Variants in DNAH11 observed in about 807,000 individuals in gnomAD.
DNAH11 encodes the protein axonemal beta dynein heavy chain 11.
In DNAH11, 442 loss-of-function variants were observed where a neutral mutation model predicts 526.0. The ratio of observed to expected loss-of-function variants is 0.84; its 90% confidence interval spans 0.78 to 0.91. The LOEUF is 0.91. Ranked by LOEUF, DNAH11 falls within the 40% of genes least tolerant of loss-of-function variation. The pLI, the probability that DNAH11 is intolerant of heterozygous loss-of-function variation, is 0.00. For missense variants in DNAH11, 6,989 were observed against 5,448.7 expected, an observed-to-expected ratio of 1.28 and a Z score of -8.90; for synonymous variants, 2,461 against 1,935.9, an observed-to-expected ratio of 1.27 and a Z score of -7.12.
chr7:21,607,707 A>G (rs567914670), intron 20 of DNAH11, among the ~76,000 whole-genome samples: 2 of 151,968 alleles, frequency 1.3e-5, no homozygotes, highest in Non-Finnish European at 2.9e-5. Context: ...CGAGGTGGGC[A>G]TATCATGAGG....
chr7:21,686,399 A>G (rs1317147614), intron 32 of DNAH11, among the ~76,000 whole-genome samples: 4 of 152,310 alleles, frequency 2.6e-5, no homozygotes, highest in East Asian at 1.9e-4. Context: ...GGAAACTCCA[A>G]ATAAAGAATA....
chr7:21,900,990 CTG>C lies in DNAH11; in HGVS notation c.13304-13_13304-12del, dbSNP rs778005196. 24 of 1,563,648 alleles carry C rather than the reference CTG, an allele frequency of 1.5e-5. 1 individual carries two copies. The highest frequency in any genetic ancestry group is 1.8e-5 in the Non-Finnish European group (21 of 1,155,420). ...GCAAGCTGCCACACAATTGCAACCGCTGTGTTTTTGCCATAGGCGCCCGCTGG... is the reference window on the plus strand; with the variant it reads ...GCAAGCTGCCACACAATTGCAACCGCTGTTTTTGCCATAGGCGCCCGCTGG... On this transcript the variant is annotated splice_polypyrimidine_tract_variant and intron_variant, in intron 81 of 81. Coordinates refer to ENST00000409508, the MANE Select transcript of DNAH11 (RefSeq NM_001277115.2).
intron 20 of DNAH11, among the ~76,000 whole-genome samples, chr7:21,612,062 A>G (rs1368739092): frequency 1.3e-5 from 2 of 152,236 alleles, no homozygotes; most frequent in Admixed American, 6.5e-5. Context: ...GATTGTACAG[A>G]AACAGCAGAT....
intron 48 of DNAH11, among the ~76,000 whole-genome samples, chr7:21,741,100 A>ATG (rs1289176416): frequency 1.2e-4 from 19 of 152,338 alleles, no homozygotes; most frequent in Middle Eastern, 3.4e-3. Flanking sequence ...AGAAGCCTCA[A>ATG]TGTATTCTGG....
intron 2 of DNAH11, among the ~76,000 whole-genome samples, chr7:21,556,312 A>G (rs1379978909): frequency 6.6e-6 from 1 of 152,172 alleles, no homozygotes; most frequent in Non-Finnish European, 1.5e-5. Context: ...TAGATTTACT[A>G]TGCCTCAAAA....
Position 21,725,785 on chromosome 7 carries a change from A to C in DNAH11, c.7267-26A>C, listed in dbSNP as rs16872872. 1.9e-6 allele frequency: 3 copies of C among 1,591,396 alleles called. No individual in the cohort carries two copies. In the Admixed American group the frequency reaches 5.2e-5, roughly 28 times the overall value. On this transcript the variant is annotated intron_variant, in intron 44 of 81. Coordinates refer to ENST00000409508, the MANE Select transcript of DNAH11 (RefSeq NM_001277115.2). ...CAGTTTTAATTACTTTGAGTCTGCA[A>C]TAAGGATTTCTTTTGTTCTCCTTAG...
intron 28 of DNAH11, among the ~76,000 whole-genome samples, chr7:21,643,382 G>A (rs1010827915): frequency 6.6e-6 from 1 of 152,142 alleles, no homozygotes; most frequent in African/African-American, 2.4e-5. Context: ...TCTGAGAACA[G>A]TTTGCACATT....
chr7:21,644,929 C>G (rs1787284137), intron 28 of DNAH11, among the ~76,000 whole-genome samples: 1 of 152,194 alleles, frequency 6.6e-6, no homozygotes, highest in South Asian at 2.1e-4. Context: ...ATTATCTTCT[C>G]AAAATGATGA....
intron 65 of DNAH11, 143 bp from the exon 66 acceptor site, chr7:21,842,401 G>T: frequency 1.6e-6 from 1 of 606,652 alleles, no homozygotes. Context: ...TGTACTTTAG[G>T]AAATTTGGGA....
At chr7:21,704,861 C>A (rs1784206700) in intron 38 of DNAH11, among the ~76,000 whole-genome samples, 1 of 152,150 alleles carries the variant, frequency 6.6e-6, no homozygotes, top group Non-Finnish European at 1.5e-5. Context: ...TAAATGTAAG[C>A]ATGCTTTTAA....
Position 21,866,657 on chromosome 7 carries a change from C to G in DNAH11, c.11684C>G (p.Ala3895Gly), listed in dbSNP as rs1241303548. Residue 3895 changes from alanine (A) to glycine (G), a missense_variant, in exon 71 of 82, where the codon GCT becomes GGT. Transcript: ENST00000409508. ...RAMRPDRMTY[A>G]LRNFVEEKLG... The stretch of plus-strand genomic sequence containing the variant: ...ATGCGCCCTGACAGAATGACGTATG[C>G]TCTCAGGTGGGGTGGTCAGCATTTT... The G allele has an allele frequency of 1.2e-6, 2 of 1,610,284 alleles. No individual in the cohort carries two copies. The highest frequency in any genetic ancestry group is 4.5e-5 in the East Asian group (2 of 44,832).
intron 14 of DNAH11, among the ~76,000 whole-genome samples, chr7:21,595,277 C>A (rs1562687599): frequency 1.3e-5 from 2 of 152,182 alleles, no homozygotes; most frequent in African/African-American, 4.8e-5. Context: ...GCCCTCAGGA[C>A]CTAATCACCT....
intron 9 of DNAH11, 105 bp from the exon 10 acceptor site, chr7:21,587,959 A>G (rs893603105): frequency 1.6e-5 from 18 of 1,108,130 alleles, no homozygotes; most frequent in South Asian, 1.5e-4. Flanking sequence ...TGCTTTTAAG[A>G]TTCTAAACTT....
At chr7:21,672,227 G>T (rs1360904211) in intron 30 of DNAH11, among the ~76,000 whole-genome samples, 6 of 152,120 alleles carry the variant, frequency 3.9e-5, no homozygotes, top group African/African-American at 1.4e-4. Flanking sequence ...GATCTCCAAG[G>T]TGCTATAGCA....
chr7:21,881,538 A>G (rs1160983024), intron 75 of DNAH11, among the ~76,000 whole-genome samples: 1 of 152,182 alleles, frequency 6.6e-6, no homozygotes, highest in Admixed American at 6.5e-5. Flanking sequence ...GGATTTCAAA[A>G]AGCAAGAACC....
In DNAH11 at chr7:21,847,475, C is replaced by T. The variant is rs539260966; in HGVS notation, c.10896+4727C>T. 2.0e-5 allele frequency among the ~76,000 whole-genome samples: 3 copies of T among 152,238 alleles called. No homozygotes were observed. In the East Asian group the frequency reaches 5.8e-4, roughly 29 times the overall value. Reference sequence around the variant, plus strand: ...TATTTTAAACTGTGTTGTTTAATCTCCAAATATTTTTGAATTTTAAGCGTT... The same window carrying T: ...TATTTTAAACTGTGTTGTTTAATCTTCAAATATTTTTGAATTTTAAGCGTT... On this transcript the variant is annotated intron_variant, in intron 66 of 81. Coordinates refer to ENST00000409508, the MANE Select transcript of DNAH11 (RefSeq NM_001277115.2).
At chr7:21,548,713 G>T (rs1028711288) in intron 2 of DNAH11, among the ~76,000 whole-genome samples, 1 of 152,162 alleles carries the variant, frequency 6.6e-6, no homozygotes, top group South Asian at 2.1e-4. Context: ...GCCATTGCCT[G>T]ACTCACTCGT....
rs149149368 is a variant in DNAH11, at chr7:21,739,338, T to C, written c.7812-233T>C. 1.3e-4 allele frequency among the ~76,000 whole-genome samples: 20 copies of C among 152,270 alleles called. No homozygotes were observed. In the East Asian group the frequency reaches 3.7e-3, roughly 28 times the overall value. ...CATGAGAATCAATAAGCAGTAATAG[T>C]TTACATTGACGCAGCTCCAGATCTT... On this transcript the variant is annotated intron_variant, in intron 47 of 81. Transcript: ENST00000409508.
At chr7:21,772,284 C>G (rs78779270) in intron 55 of DNAH11, among the ~76,000 whole-genome samples, 1 of 152,106 alleles carries the variant, frequency 6.6e-6, no homozygotes, top group Middle Eastern at 3.4e-3. Context: ...CTTTCAGCGC[C>G]TCCAAGGAGC....
Sources: gnomAD v4.1 joint callset for allele counts (sites outside exome capture counted in the v4.1 genomes callset) on GRCh38, gnomAD v4.1.1 for gene constraint, MANE v1.5 for transcripts, NCBI Gene and HGNC (gene_info 2026-07-23, HGNC 2026-07-21) for gene names.